The following ASTN2 variants were observed in gnomAD, a reference collection of about 807,000 sequenced individuals.
ASTN2 encodes astrotactin 2.
ASTN2 carries 54 observed loss-of-function variants against 139.8 expected under a neutral mutation model. That is an observed-to-expected ratio of 0.39 (90% confidence interval 0.31 to 0.48). The LOEUF is 0.48. ASTN2 is among the 20% of genes least tolerant of loss of function. The pLI is 0.95. For synonymous variants in ASTN2, 756 were observed against 719.5 expected (o/e 1.05, Z -0.81); for missense variants, 1,565 against 1,725.1 (o/e 0.91, Z 1.64).
At chr9:117,365,232 A>G (rs182526492) in intron 1 of ASTN2, among the ~76,000 whole-genome samples, 1 of 151,704 alleles carries the variant, frequency 6.6e-6, no homozygotes. Flanking sequence ...GGAAAAAGAA[A>G]GCAAGAAAGA....
At chr9:117,335,506 A>T (rs942418547) in intron 1 of ASTN2, among the ~76,000 whole-genome samples, 1 of 152,086 alleles carries the variant, frequency 6.6e-6, no homozygotes, top group East Asian at 1.9e-4. Flanking sequence ...GCCTCTAATG[A>T]CTCTGATTGT....
Position 117,310,768 on chromosome 9 carries a change from G to T in ASTN2, c.443-19255C>A, listed in dbSNP as rs138229259. ...CACCTCAGCCACCTAAGGACTACAA[G>T]CACGCGCCACCACACCCAGATAATG... On this transcript the variant is annotated intron_variant, in intron 1 of 22. Transcript: ENST00000313400. Among the ~76,000 whole-genome samples the T allele has an allele frequency of 1.3e-3, 193 of 152,218 alleles. 1 individual carries two copies. The highest frequency in any genetic ancestry group is 4.0e-3 in the African/African-American group (168 of 41,538).
At chr9:117,386,737 C>T (rs1477415718) in intron 1 of ASTN2, among the ~76,000 whole-genome samples, 1 of 152,138 alleles carries the variant, frequency 6.6e-6, no homozygotes, top group Non-Finnish European at 1.5e-5. Flanking sequence ...GCCAGCTCCT[C>T]AGCCCCTTGG....
Position 117,214,769 on chromosome 9 carries a change from A to G in ASTN2, c.631-27T>C, listed in dbSNP as rs1268637493. The G allele has an allele frequency of 3.4e-6, 5 of 1,463,734 alleles. No homozygotes were observed. The South Asian group carries it at 7.6e-5, about 22-fold the overall frequency. 90.7% of individuals were successfully genotyped at this position (1,463,734 alleles called of 1,614,324 possible). On this transcript the variant is annotated intron_variant, in intron 2 of 22. Transcript: ENST00000313400. ...TGGAGCAGGAAGGAAGGACACACAA[A>G]TGGGCCACTGTTCTTTGGAATCGAG...
At chr9:116,837,617 C>T (rs1374927214) in intron 11 of ASTN2, among the ~76,000 whole-genome samples, 1 of 152,190 alleles carries the variant, frequency 6.6e-6, no homozygotes, top group Non-Finnish European at 1.5e-5. Context: ...ATGCAAATTG[C>T]TCTGAGTACA....
intron 1 of ASTN2, among the ~76,000 whole-genome samples, chr9:117,298,985 A>G (rs1410340429): frequency 3.9e-5 from 6 of 152,112 alleles, no homozygotes; most frequent in Admixed American, 1.3e-4. Flanking sequence ...CAGCAACTCT[A>G]CAGAAATTTA....
chr9:116,833,011 C>T, intron 11 of ASTN2, among the ~76,000 whole-genome samples: 1 of 151,154 alleles, frequency 6.6e-6, no homozygotes, highest in African/African-American at 2.4e-5. Context: ...TATATTTCTC[C>T]AGTGAAACTA....
At chr9:117,359,475 C>T (rs1260919683) in intron 1 of ASTN2, among the ~76,000 whole-genome samples, 1 of 152,204 alleles carries the variant, frequency 6.6e-6, no homozygotes. Flanking sequence ...AGGCTTTAGT[C>T]ATTCTACTAT....
chr9:116,723,921 T>G (rs1305925294), intron 16 of ASTN2, among the ~76,000 whole-genome samples: 5 of 151,284 alleles, frequency 3.3e-5, no homozygotes, highest in Non-Finnish European at 4.4e-5. Flanking sequence ...CAAAGCCAGG[T>G]CTTGAGGGGG....
At chr9:117,126,893 T>A (rs1052385379) in intron 4 of ASTN2, among the ~76,000 whole-genome samples, 1 of 152,142 alleles carries the variant, frequency 6.6e-6, no homozygotes, top group South Asian at 2.1e-4. Flanking sequence ...TTACACTGAG[T>A]AGACATTCAG....
At chr9:117,183,750 A>T (rs528921888) in intron 3 of ASTN2, among the ~76,000 whole-genome samples, 2 of 152,320 alleles carry the variant, frequency 1.3e-5, no homozygotes, top group South Asian at 4.1e-4. Flanking sequence ...GTCTTCCACA[A>T]AGCCTTTCCT....
At chr9:116,961,867 A>G (rs116935626) in intron 10 of ASTN2, among the ~76,000 whole-genome samples, 28 of 152,354 alleles carry the variant, frequency 1.8e-4, no homozygotes, top group Middle Eastern at 6.8e-3. Context: ...TTGTAATATA[A>G]TGACAACAAC....
chr9:117,282,716 T>A (rs945792917), intron 2 of ASTN2, among the ~76,000 whole-genome samples: 1 of 143,704 alleles, frequency 7.0e-6, no homozygotes. Flanking sequence ...CCCTCTGCCA[T>A]GAAAACCAAA....
intron 7 of ASTN2, among the ~76,000 whole-genome samples, chr9:117,005,863 T>C (rs1038788109): frequency 6.6e-6 from 1 of 150,398 alleles, no homozygotes; most frequent in Non-Finnish European, 1.5e-5. Context: ...ATCCTTGAAC[T>C]TGTTTCCCAT....
chr9:116,988,994 A>C lies in ASTN2; in HGVS notation c.1592-12209T>G, dbSNP rs1836763628. On this transcript the variant is annotated intron_variant, in intron 7 of 22. Coordinates refer to ENST00000313400, the MANE Select transcript of ASTN2 (RefSeq NM_001365068.1). ...GATAAAATATATGCTTAAACCATTC[A>C]GAACACATGATGATTAATAATTCAA... Among the ~76,000 whole-genome samples, 4 of 152,308 alleles carry C rather than the reference A, an allele frequency of 2.6e-5. No homozygotes were observed. In the South Asian group the frequency reaches 8.3e-4, roughly 32 times the overall value.
rs1051572948 is a variant in ASTN2 at position 116,755,078 on chromosome 9, C to T, written c.2397-21555G>A. Reference sequence around the variant, plus strand: ...CTGCTCATGCCCCTGCCACCAACTCCGGCTTCTAATTTTTAGTTTCAATAC... The same window carrying T: ...CTGCTCATGCCCCTGCCACCAACTCTGGCTTCTAATTTTTAGTTTCAATAC... On this transcript the variant is annotated intron_variant, in intron 13 of 22. Transcript: ENST00000313400. Among the ~76,000 whole-genome samples, 16 of 152,262 alleles carry T rather than the reference C, an allele frequency of 1.1e-4. No homozygotes were observed. In the East Asian group the frequency reaches 2.7e-3, roughly 26 times the overall value.
intron 20 of ASTN2, among the ~76,000 whole-genome samples, chr9:116,460,281 CAG>C (rs1164343728): frequency 6.6e-6 from 1 of 152,070 alleles, no homozygotes; most frequent in Non-Finnish European, 1.5e-5. Context: ...TAATGGGTTA[CAG>C]AGTTTCTTTT....
chr9:117,056,241 A>C (rs1222602367), intron 5 of ASTN2, among the ~76,000 whole-genome samples: 2 of 152,238 alleles, frequency 1.3e-5, no homozygotes, highest in African/African-American at 4.8e-5. Context: ...TGTTGTTTTA[A>C]ATTCCAATTT....
intron 19 of ASTN2, among the ~76,000 whole-genome samples, chr9:116,552,488 C>T (rs1240975834): frequency 6.6e-6 from 1 of 152,180 alleles, no homozygotes; most frequent in African/African-American, 2.4e-5. Flanking sequence ...TAGAATTTGC[C>T]TCTCTCAGTG....
Sources: gnomAD v4.1 joint callset for allele counts (sites outside exome capture counted in the v4.1 genomes callset) on GRCh38, gnomAD v4.1.1 for gene constraint, MANE v1.5 for transcripts, NCBI Gene and HGNC (gene_info 2026-07-23, HGNC 2026-07-21) for gene names.